TASOR: variants seen among roughly 807,000 people sequenced by gnomAD.
The protein encoded by TASOR is protein TASOR.
A neutral mutation model predicts 178.6 loss-of-function variants in TASOR; 53 were observed. That is an observed-to-expected ratio of 0.30 (90% CI 0.24 to 0.37). The LOEUF is 0.37. Ranked by LOEUF, TASOR falls within the 10% of genes least tolerant of loss-of-function variation. The pLI is 1.00. For synonymous variants in TASOR, 713 were observed against 696.2 expected (o/e 1.02, Z -0.38); for missense variants, 1,815 against 1,971.4 (o/e 0.92, Z 1.50).
At chr3:56,628,374 G>A in intron 19 of TASOR, 118 bp downstream of exon 19, 2 of 907,508 alleles carry the variant, frequency 2.2e-6, no homozygotes, top group South Asian at 1.6e-5. Context: ...TCACAGATGG[G>A]TCCTTAAGTT....
At chr3:56,624,105 T>A (rs775921361) in intron 23 of TASOR, among the ~76,000 whole-genome samples, 1 of 152,220 alleles carries the variant, frequency 6.6e-6, no homozygotes, top group South Asian at 2.1e-4. Context: ...GGAAATCTAG[T>A]AGCTCAATGC....
At chr3:56,649,125 G>T in intron 11 of TASOR, 68 bp from the exon 12 acceptor site, 2 of 1,157,574 alleles carry the variant, frequency 1.7e-6, no homozygotes, top group Non-Finnish European at 1.2e-6. Flanking sequence ...CAGACACACA[G>T]CATTTTCTAC....
At chr3:56,637,661 C>T (rs190174841) in intron 17 of TASOR, among the ~76,000 whole-genome samples, 13 of 150,716 alleles carry the variant, frequency 8.6e-5, no homozygotes, top group South Asian at 2.1e-4. Context: ...CTTTAATTAG[C>T]GGGGGAGGGG....
In TASOR at chr3:56,677,361, G is replaced by T. The variant is rs550512133; in HGVS notation, c.332-3636C>A. Among the ~76,000 whole-genome samples, 12 of 152,334 alleles carry T rather than the reference G, an allele frequency of 7.9e-5. No individual in the cohort carries two copies. The East Asian group carries it at 2.1e-3, about 27-fold the overall frequency. Reference sequence around the variant, plus strand: ...CAATACACTGTTCTCTAGATTGACAGTTACTGTCTAACCATTAGTGGTTAA... The same window carrying T: ...CAATACACTGTTCTCTAGATTGACATTTACTGTCTAACCATTAGTGGTTAA... On this transcript the variant is annotated intron_variant, in intron 1 of 23. Transcript: ENST00000683822.
At chr3:56,639,941 C>T (rs773915520) in intron 16 of TASOR, 45 bp downstream of exon 16, 1 of 1,552,560 alleles carries the variant, frequency 6.4e-7, no homozygotes, top group Non-Finnish European at 8.7e-7. Flanking sequence ...AAACTGGTCT[C>T]TAAGTAAAAT....
intron 1 of TASOR, among the ~76,000 whole-genome samples, chr3:56,680,554 G>A (rs1464324408): frequency 7.3e-6 from 1 of 136,154 alleles, no homozygotes; most frequent in Non-Finnish European, 1.5e-5. Context: ...GAATGCAACA[G>A]AACCTGCACT....
At chr3:56,671,527 T>C in intron 3 of TASOR, 73 bp downstream of exon 3, 1 of 1,114,196 alleles carries the variant, frequency 9.0e-7, no homozygotes, top group Non-Finnish European at 1.3e-6. Flanking sequence ...AGAATACTGT[T>C]GAATAATCAC....
intron 18 of TASOR, among the ~76,000 whole-genome samples, chr3:56,631,978 G>A (rs2076925208): frequency 6.6e-6 from 1 of 152,152 alleles, no homozygotes. Context: ...CATGACTGAG[G>A]AGTCTTTCAA....
At chr3:56,666,995 AGTTCTTCAAAGTCCATTCCCCTGGGAAAC>A (rs2030082934) in intron 6 of TASOR, among the ~76,000 whole-genome samples, 4 of 152,230 alleles carry the variant, frequency 2.6e-5, no homozygotes, top group Admixed American at 2.6e-4. Flanking sequence ...AAAGTAGTAC[AGTTCTTCAAAGTCCATTCCCCTGGGAAAC>A]TATTGATTTC....
chr3:56,638,845 T>C (rs543678840), intron 16 of TASOR, 80 bp from the exon 17 acceptor site: 2 of 1,335,040 alleles, frequency 1.5e-6, no homozygotes, highest in South Asian at 1.2e-5. Flanking sequence ...CCCCAAGTGA[T>C]AACAATGCAA....
intron 21 of TASOR, 103 bp from the exon 22 acceptor site, chr3:56,625,109 T>C: frequency 9.8e-7 from 1 of 1,025,088 alleles, no homozygotes; most frequent in Non-Finnish European, 1.5e-6. Context: ...AGGCAACTAA[T>C]GACAACTGCA....
intron 11 of TASOR, among the ~76,000 whole-genome samples, chr3:56,654,998 C>G (rs1376623215): frequency 6.6e-6 from 1 of 152,132 alleles, no homozygotes; most frequent in Non-Finnish European, 1.5e-5. Context: ...CATACCACCC[C>G]CACCATAAAC....
At chr3:56,623,765 GCTT>G in intron 23 of TASOR, 199 bp from the exon 24 acceptor site, 2 of 1,550,054 alleles carry the variant, frequency 1.3e-6, no homozygotes, top group Non-Finnish European at 1.7e-6. Flanking sequence ...GATGCTAAAA[GCTT>G]CTGCGAAATG....
rs150548445 is a variant in TASOR, at chr3:56,664,591, A to T, written c.1023-1019T>A. ...GAAAACTGACAAAGAGGTCAACCTC[A>T]AAAATGTACATATATGTTTCATGAT... On this transcript the variant is annotated intron_variant, in intron 7 of 23. Transcript: ENST00000683822. Among the ~76,000 whole-genome samples the T allele has an allele frequency of 9.8e-4, 149 of 152,356 alleles. 1 individual carries two copies. Among genetic ancestry groups the T allele is most frequent in the African/African-American group, 3.2e-3 (134 of 41,590 alleles).
intron 3 of TASOR, 178 bp downstream of exon 3, chr3:56,671,422 C>G: frequency 1.9e-6 from 1 of 519,700 alleles, no homozygotes; most frequent in East Asian, 3.1e-5. Flanking sequence ...AGAGAAAAAA[C>G]TGAGTACATT....
At chr3:56,627,284 G>A in intron 20 of TASOR, 139 bp from the exon 21 acceptor site, 1 of 636,572 alleles carries the variant, frequency 1.6e-6, no homozygotes, top group Non-Finnish European at 2.7e-6. Flanking sequence ...GTCTAAGGGA[G>A]ACAGATCTAT....
chr3:56,662,188 C>A (rs2077613041), intron 9 of TASOR, among the ~76,000 whole-genome samples, 197 bp downstream of exon 9: 1 of 151,530 alleles, frequency 6.6e-6, no homozygotes, highest in Non-Finnish European at 1.5e-5. Flanking sequence ...AGCCTATCCT[C>A]AAATCAAGAC....
In TASOR at chr3:56,621,343, A is replaced by ATCTT. The variant is rs144299610; in HGVS notation, c.*1690_*1693dup. On this transcript the variant is annotated 3_prime_UTR_variant, in exon 24 of 24. Coordinates refer to ENST00000683822, the MANE Select transcript of TASOR (RefSeq NM_001365635.2). ...TATTGATTTTTATGCTAAAAACAGA[A>ATCTT]TCTTACAAATGTGATAGCTATATAT... is the stretch of plus-strand genomic sequence containing the variant. The ATCTT allele has an allele frequency of 0.036, 14,576 of 400,912 alleles. 335 individuals are homozygous for ATCTT. Among genetic ancestry groups the ATCTT allele is most frequent in the South Asian group, 0.058 (1,013 of 17,418 alleles). 24.8% of individuals were successfully genotyped at this position (400,912 alleles called of 1,614,324 possible).
At chr3:56,636,413 T>C (rs530733215) in intron 17 of TASOR, among the ~76,000 whole-genome samples, 1 of 152,234 alleles carries the variant, frequency 6.6e-6, no homozygotes, top group South Asian at 2.1e-4. Context: ...GGTGTTGTTG[T>C]TGTTGTTGTT....
Sources: allele counts gnomAD v4.1 joint callset (sites outside exome capture counted in the v4.1 genomes callset), GRCh38; gene constraint gnomAD v4.1.1; transcripts MANE v1.5; gene names NCBI Gene and HGNC (gene_info 2026-07-23, HGNC 2026-07-21).